Variants in LRRN2 observed in about 807,000 individuals in gnomAD.
The protein encoded by LRRN2 is leucine rich repeat neuronal 2.
A neutral mutation model predicts 35.7 loss-of-function variants in LRRN2; 10 were observed. That is an observed-to-expected ratio of 0.28 (90% confidence interval 0.17 to 0.47). The LOEUF (loss-of-function observed/expected upper bound fraction) is 0.47, where lower values mean the gene tolerates loss of function less well. LRRN2 is among the 20% of genes least tolerant of loss of function. The pLI is 0.99. For synonymous variants in LRRN2, 391 were observed against 409.6 expected, an observed-to-expected ratio of 0.95 and a Z score of 0.55; for missense variants, 731 against 940.3, an observed-to-expected ratio of 0.78 and a Z score of 2.91.
chr1:204,617,434 T>G lies in LRRN2; in HGVS notation c.*417A>C. The G allele has an allele frequency of 1.2e-5, 2 of 171,594 alleles. No individual in the cohort carries two copies. The highest frequency in any genetic ancestry group is 1.3e-5 in the Non-Finnish European group (1 of 79,566). 10.6% of individuals were successfully genotyped at this position (171,594 alleles called of 1,614,324 possible). A position where few individuals can be genotyped will look rare whatever the true frequency, so the allele number is the denominator to read the frequency against. On this transcript the variant is annotated 3_prime_UTR_variant, in exon 2 of 2. Coordinates refer to ENST00000367177, the MANE Select transcript of LRRN2 (RefSeq NM_201630.2). ...GGCAGCCCCCCGAGGTGAGATGGAG[T>G]GGCCTCCTTCAGCCCTTGCCCAGGA...
At chr1:204,674,978 G>A (rs1668793179) in intron 1 of LRRN2, among the ~76,000 whole-genome samples, 1 of 152,144 alleles carries the variant, frequency 6.6e-6, no homozygotes, top group South Asian at 2.1e-4. Context: ...TTGTTGTAAC[G>A]GACGAGTTCA....
At chr1:204,637,583 C>G (rs1667864637) in intron 1 of LRRN2, among the ~76,000 whole-genome samples, 1 of 152,098 alleles carries the variant, frequency 6.6e-6, no homozygotes, top group African/African-American at 2.4e-5. Context: ...AACCACAGCT[C>G]AGCATTCTTA....
chr1:204,667,051 T>G (rs996428697), intron 1 of LRRN2, among the ~76,000 whole-genome samples: 3 of 150,840 alleles, frequency 2.0e-5, no homozygotes, highest in Non-Finnish European at 4.4e-5. Context: ...ACAACATAAT[T>G]ATAGAGATGA....
intron 1 of LRRN2, among the ~76,000 whole-genome samples, chr1:204,658,131 C>T (rs1300798025): frequency 1.3e-5 from 2 of 151,930 alleles, no homozygotes; most frequent in Non-Finnish European, 2.9e-5. Context: ...GCACGTGCCA[C>T]CATGCCTGGC....
chr1:204,656,663 A>T (rs1668363186), intron 1 of LRRN2, among the ~76,000 whole-genome samples: 1 of 152,212 alleles, frequency 6.6e-6, no homozygotes, highest in Non-Finnish European at 1.5e-5. Flanking sequence ...ATAATTTCAG[A>T]CTGTAAATAA....
Position 204,617,825 on chromosome 1 carries a change from C to A in LRRN2, c.*26G>T. The A allele has an allele frequency of 1.2e-6, 2 of 1,612,660 alleles. No homozygotes were observed. The highest frequency in any genetic ancestry group is 1.7e-6 in the Non-Finnish European group (2 of 1,178,836). On this transcript the variant is annotated 3_prime_UTR_variant, in exon 2 of 2. Coordinates refer to ENST00000367177, the MANE Select transcript of LRRN2 (RefSeq NM_201630.2). ...TGGTAAAAAGTAGTCCTAGTGATTT[C>A]TCTACTGCTGAGAACAGGCTGAGCT... is the stretch of plus-strand genomic sequence containing the variant.
At chr1:204,664,806 C>T (rs920616699) in intron 1 of LRRN2, among the ~76,000 whole-genome samples, 7 of 152,184 alleles carry the variant, frequency 4.6e-5, no homozygotes, top group African/African-American at 1.7e-4. Flanking sequence ...CTGCGTCTGC[C>T]TTGTGCCCAT....
intron 1 of LRRN2, 83 bp from the exon 2 acceptor site, chr1:204,620,301 A>AATGAGACTCT: frequency 1.0e-6 from 1 of 976,304 alleles, no homozygotes; most frequent in Non-Finnish European, 1.4e-6. Flanking sequence ...TTTGAGACAG[A>AATGAGACTCT]GTCTCATTCT....
At chr1:204,621,645 C>T (rs947388401) in intron 1 of LRRN2, 2 of 167,104 alleles carry the variant, frequency 1.2e-5, no homozygotes, top group Non-Finnish European at 2.9e-5. Context: ...AGACATCACC[C>T]CTGCAATCAA....
chr1:204,651,607 A>G (rs1268567713), intron 1 of LRRN2, among the ~76,000 whole-genome samples: 1 of 152,164 alleles, frequency 6.6e-6, no homozygotes, highest in Non-Finnish European at 1.5e-5. Flanking sequence ...CATCCCCCCA[A>G]AACCCCCCAG....
Position 204,618,708 on chromosome 1 carries a change from A to G in LRRN2, c.1285T>C (p.Phe429Leu). The change falls in exon 2 of 2, where the codon TTC (phenylalanine) becomes CTC (leucine). Residue 429 changes from phenylalanine (F) to leucine (L), a missense_variant. Physicochemically the swap from Phe to Leu is conservative, Grantham distance 22. Around this residue, in one of 3 missense-constraint regions of LRRN2, gnomAD observed 256 missense variants for 392.4 expected, o/e 0.65. Coordinates refer to ENST00000367177, the MANE Select transcript of LRRN2 (RefSeq NM_201630.2). The part of the protein sequence containing the change: ...HCLPLISPRS[F>L]PPSLQVASGE... ...CTGGCTACCTGGAGGCTTGGGGGGA[A>G]GCTTCGTGGGGAGATGAGGGGCAAA... 1 of 1,600,384 alleles carries G rather than the reference A, an allele frequency of 6.2e-7. No individual in the cohort carries two copies. The highest frequency in any genetic ancestry group is 8.5e-7 in the Non-Finnish European group (1 of 1,171,864).
intron 1 of LRRN2, among the ~76,000 whole-genome samples, chr1:204,634,631 G>A (rs1667788486): frequency 6.6e-6 from 1 of 152,126 alleles, no homozygotes; most frequent in Non-Finnish European, 1.5e-5. Context: ...TGTGTGCCAA[G>A]GAACACCACC....
intron 1 of LRRN2, chr1:204,633,329 T>G (rs189866561): frequency 6.6e-6 from 1 of 152,358 alleles, no homozygotes; most frequent in Admixed American, 6.5e-5. Context: ...CTACGATCTA[T>G]GTGATTCTCA....
chr1:204,640,963 G>A (rs1391955428), intron 1 of LRRN2, among the ~76,000 whole-genome samples: 1 of 150,930 alleles, frequency 6.6e-6, no homozygotes, highest in Non-Finnish European at 1.5e-5. Flanking sequence ...TCTAAATCCA[G>A]GAGTTCTAAT....
intron 1 of LRRN2, among the ~76,000 whole-genome samples, chr1:204,674,656 T>C (rs1327239627): frequency 6.6e-6 from 1 of 152,202 alleles, no homozygotes; most frequent in Non-Finnish European, 1.5e-5. Flanking sequence ...CGAGGGCAGG[T>C]GCAGCCTGGG....
chr1:204,638,118 C>T (rs1571650383), intron 1 of LRRN2, among the ~76,000 whole-genome samples: 5 of 139,568 alleles, frequency 3.6e-5, no homozygotes, highest in Admixed American at 7.1e-5. Context: ...CCCCCCGCCC[C>T]GAACATCAGG....
chr1:204,630,538 G>T (rs1218352407), intron 1 of LRRN2, among the ~76,000 whole-genome samples: 1 of 152,190 alleles, frequency 6.6e-6, no homozygotes, highest in Non-Finnish European at 1.5e-5. Flanking sequence ...CGCGGAAGGA[G>T]TCCTGGTCTC....
intron 1 of LRRN2, among the ~76,000 whole-genome samples, chr1:204,649,829 A>AG (rs1310285246): frequency 2.6e-5 from 4 of 152,082 alleles, no homozygotes; most frequent in Non-Finnish European, 4.4e-5. Context: ...CCATGGCAGT[A>AG]GGGGGTATGG....
At chr1:204,665,273 CA>C (rs1668553967) in intron 1 of LRRN2, among the ~76,000 whole-genome samples, 1 of 152,118 alleles carries the variant, frequency 6.6e-6, no homozygotes, top group Non-Finnish European at 1.5e-5. Flanking sequence ...CATGGCTCGC[CA>C]AAAGGCCAAA....
Sources: gnomAD v4.1 joint callset for allele counts (sites outside exome capture counted in the v4.1 genomes callset) on GRCh38, gnomAD v4.1.1 for gene constraint, gnomAD v4.1.1 regional missense constraint, MANE v1.5 for transcripts, NCBI Gene and HGNC (gene_info 2026-07-23, HGNC 2026-07-21) for gene names.